PTPRM: variants seen among roughly 807,000 people sequenced by gnomAD.
PTPRM encodes the protein protein tyrosine phosphatase receptor type M, also known as receptor-type tyrosine-protein phosphatase mu.
In PTPRM, 47 loss-of-function variants were observed where a neutral mutation model predicts 186.7. The ratio of observed to expected loss-of-function variants is 0.25; its 90% CI spans 0.20 to 0.32. PTPRM has a LOEUF of 0.32. Ranked by LOEUF, PTPRM falls within the 10% of genes least tolerant of loss-of-function variation. PTPRM has a pLI of 1.00. For missense variants in PTPRM, 1,494 were observed against 1,865.0 expected (o/e 0.80, Z 3.66); for synonymous variants, 668 against 674.9 (o/e 0.99, Z 0.16).
In PTPRM at chr18:8,076,450, T is replaced by G; in HGVS notation, c.1442-5T>G. On this transcript the variant is annotated splice_polypyrimidine_tract_variant and splice_region_variant and intron_variant, in intron 8 of 32. Transcript: ENST00000580170. ...AAACATTTATTTCCTCCCACCCTCC[T>G]TTAGTCCCAGGTGCTGTTCCCACTG... 1 of 1,540,940 alleles carries G rather than the reference T, an allele frequency of 6.5e-7. No individual in the cohort carries two copies. The highest frequency in any genetic ancestry group is 8.9e-7 in the Non-Finnish European group (1 of 1,118,146).
chr18:7,613,849 A>G (rs1328790533), intron 1 of PTPRM, among the ~76,000 whole-genome samples: 1 of 152,186 alleles, frequency 6.6e-6, no homozygotes. Context: ...AATGATTTTT[A>G]TTTGTATCAG....
chr18:7,827,909 A>G lies in PTPRM; in HGVS notation c.196+53638A>G, dbSNP rs537410277. On this transcript the variant is annotated intron_variant, in intron 2 of 32. Transcript: ENST00000580170. Reference sequence around the variant, plus strand: ...ATTCCACTTGTATTGTTACAGGGCTATTTACCAGACACTTCAGGGGCTTTA... The same window carrying G: ...ATTCCACTTGTATTGTTACAGGGCTGTTTACCAGACACTTCAGGGGCTTTA... 9.8e-5 allele frequency among the ~76,000 whole-genome samples: 15 copies of G among 152,306 alleles called. No individual in the cohort carries two copies. The East Asian group carries it at 1.5e-3, about 16-fold the overall frequency.
At chr18:8,264,923 C>A (rs1014507074) in intron 19 of PTPRM, among the ~76,000 whole-genome samples, 10 of 152,290 alleles carry the variant, frequency 6.6e-5, no homozygotes, top group Non-Finnish European at 8.8e-5. Flanking sequence ...CCCAGGCTGT[C>A]CTGTCTAGAG....
chr18:7,902,225 C>T (rs547047163), intron 3 of PTPRM, among the ~76,000 whole-genome samples: 1 of 152,340 alleles, frequency 6.6e-6, no homozygotes, highest in Non-Finnish European at 1.5e-5. Flanking sequence ...TAATCAGCTG[C>T]TGTCCTTCTT....
intron 7 of PTPRM, among the ~76,000 whole-genome samples, chr18:8,004,528 C>T (rs1349288150): frequency 6.6e-6 from 1 of 151,466 alleles, no homozygotes; most frequent in Non-Finnish European, 1.5e-5. Flanking sequence ...TAGGATGGGC[C>T]CAAGTTAGTA....
At chr18:7,781,611 C>T (rs1196071360) in intron 2 of PTPRM, among the ~76,000 whole-genome samples, 1 of 152,100 alleles carries the variant, frequency 6.6e-6, no homozygotes, top group Non-Finnish European at 1.5e-5. Flanking sequence ...TCCCACCATT[C>T]CCCCCAAGCA....
intron 14 of PTPRM, among the ~76,000 whole-genome samples, chr18:8,158,534 A>C (rs555027257): frequency 6.6e-6 from 1 of 152,354 alleles, no homozygotes; most frequent in African/African-American, 2.4e-5. Flanking sequence ...GAAGAGTATG[A>C]GGAAAGAAAT....
chr18:8,317,580 A>G (rs2095318067), intron 21 of PTPRM, among the ~76,000 whole-genome samples: 1 of 152,168 alleles, frequency 6.6e-6, no homozygotes. Flanking sequence ...GAAAATGTCC[A>G]ACAACCAGGC....
chr18:7,723,005 T>C (rs1345394615), intron 1 of PTPRM, among the ~76,000 whole-genome samples: 1 of 152,246 alleles, frequency 6.6e-6, no homozygotes, highest in African/African-American at 2.4e-5. Context: ...AGTTAGTTTT[T>C]TTTTCCAAGA....
At chr18:8,105,629 C>T (rs1367852183) in intron 11 of PTPRM, among the ~76,000 whole-genome samples, 1 of 152,124 alleles carries the variant, frequency 6.6e-6, no homozygotes, top group Non-Finnish European at 1.5e-5. Context: ...TCAAAGTAAT[C>T]TCTTCTGAAG....
chr18:7,646,102 T>C lies in PTPRM; in HGVS notation c.73+78211T>C, dbSNP rs139884282. On this transcript the variant is annotated intron_variant, in intron 1 of 32. Transcript: ENST00000580170. ...GCCTGGAAGCAGGGATTGGAATCCATTGGAAGACATCAGGTTTCTTTTGTA... is the reference window on the plus strand; with the variant it reads ...GCCTGGAAGCAGGGATTGGAATCCACTGGAAGACATCAGGTTTCTTTTGTA... Among the ~76,000 whole-genome samples the C allele has an allele frequency of 4.2e-3, 638 of 152,306 alleles. 4 individuals are homozygous for C. The highest frequency in any genetic ancestry group is 0.014 in the African/African-American group (571 of 41,576).
At chr18:8,299,781 A>G (rs992112433) in intron 20 of PTPRM, among the ~76,000 whole-genome samples, 2 of 152,222 alleles carry the variant, frequency 1.3e-5, no homozygotes, top group African/African-American at 2.4e-5. Context: ...AGCCACAGAC[A>G]GTACAGAAAC....
chr18:7,791,308 A>G lies in PTPRM; in HGVS notation c.196+17037A>G, dbSNP rs1471316349. Among the ~76,000 whole-genome samples the G allele has an allele frequency of 2.6e-5, 4 of 152,174 alleles. No individual in the cohort carries two copies. The East Asian group carries it at 7.7e-4, about 29-fold the overall frequency. On this transcript the variant is annotated intron_variant, in intron 2 of 32. Coordinates refer to ENST00000580170, the MANE Select transcript of PTPRM (RefSeq NM_001105244.2). ...TTTGTTTTTTGCTAAGAATTTACATAATAGAAAAAACGTATGTCTTGGTGT... is the reference window on the plus strand; with the variant it reads ...TTTGTTTTTTGCTAAGAATTTACATGATAGAAAAAACGTATGTCTTGGTGT...
In PTPRM at chr18:7,861,755, G is replaced by A. The variant is rs575296363; in HGVS notation, c.197-26351G>A. 2.0e-5 allele frequency among the ~76,000 whole-genome samples: 3 copies of A among 151,218 alleles called. No individual in the cohort carries two copies. The East Asian group carries it at 5.8e-4, about 29-fold the overall frequency. The stretch of plus-strand genomic sequence containing the variant: ...TGGAATGAAGACTGTTTGATATTGG[G>A]GTGTGTGTGTGTGAGAGAGAGAGAG... On this transcript the variant is annotated intron_variant, in intron 2 of 32. Transcript: ENST00000580170.
chr18:7,740,081 A>T (rs1261139200), intron 1 of PTPRM, among the ~76,000 whole-genome samples: 1 of 152,190 alleles, frequency 6.6e-6, no homozygotes, highest in Non-Finnish European at 1.5e-5. Flanking sequence ...GCTGGTGGGG[A>T]CTGTATGGAA....
intron 2 of PTPRM, among the ~76,000 whole-genome samples, chr18:7,820,251 C>T (rs1182251317): frequency 1.3e-5 from 2 of 152,078 alleles, no homozygotes; most frequent in Non-Finnish European, 2.9e-5. Context: ...TACAGAGGTA[C>T]GTTAGTTCCT....
At chr18:7,961,495 T>G (rs2147182375) in intron 7 of PTPRM, among the ~76,000 whole-genome samples, 1 of 152,394 alleles carries the variant, frequency 6.6e-6, no homozygotes, top group East Asian at 1.9e-4. Context: ...ATATATTTGT[T>G]TCATATAATT....
chr18:8,122,694 G>C (rs2092218209), intron 13 of PTPRM, among the ~76,000 whole-genome samples: 1 of 152,190 alleles, frequency 6.6e-6, no homozygotes, highest in Admixed American at 6.5e-5. Flanking sequence ...ATGGTATTCA[G>C]ATTTGAGGGT....
At chr18:8,308,586 C>T (rs1242903270) in intron 20 of PTPRM, among the ~76,000 whole-genome samples, 2 of 152,096 alleles carry the variant, frequency 1.3e-5, no homozygotes, top group East Asian at 3.9e-4. Context: ...ATTTTACATT[C>T]TTTTTATCGT....
Sources: gnomAD v4.1 joint callset for allele counts (sites outside exome capture counted in the v4.1 genomes callset) on GRCh38, gnomAD v4.1.1 for gene constraint, MANE v1.5 for transcripts, NCBI Gene and HGNC (gene_info 2026-07-23, HGNC 2026-07-21) for gene names.